Variants in HAS3 observed in about 807,000 individuals in gnomAD.
The protein encoded by HAS3 is HA synthase 3.
In HAS3, 27 loss-of-function variants were observed where a neutral mutation model predicts 50.3. The ratio of observed to expected loss-of-function variants is 0.54; its 90% CI spans 0.40 to 0.74. The LOEUF is 0.74. Ranked by LOEUF, HAS3 falls within the 30% of genes least tolerant of loss-of-function variation. The probability of loss-of-function intolerance (pLI) is 0.00; values close to 1 mark genes in which losing one functional copy is unlikely to be tolerated. For synonymous variants in HAS3, 339 were observed against 310.9 expected (o/e 1.09, Z -0.95); for missense variants, 517 against 742.8 (o/e 0.70, Z 3.53).
upstream of HAS3, among the ~76,000 whole-genome samples, chr16:69,100,743 G>A (rs567288548): frequency 2.0e-5 from 3 of 152,172 alleles, no homozygotes; most frequent in East Asian, 1.9e-4. Flanking sequence ...TGAGCATTTC[G>A]TGAGTTTGGA....
chr16:69,118,381 G>A (rs761089528), downstream of HAS3: 4 of 1,611,950 alleles, frequency 2.5e-6, no homozygotes, highest in Non-Finnish European at 3.4e-6. Flanking sequence ...TGGCAGTAGA[G>A]GATGACCAGG....
In HAS3 at chr16:69,115,847, C is replaced by T. The variant is rs1961162178; in HGVS notation, c.*581C>T. The T allele has an allele frequency of 1.0e-6, 1 of 985,786 alleles. No homozygotes were observed. The highest frequency in any genetic ancestry group is 1.7e-5 in the African/African-American group (1 of 57,334). The allele number at this position is 985,786 out of a possible 1,614,324, so 61.1% of individuals were successfully genotyped here. A position where few individuals can be genotyped will look rare whatever the true frequency, so the allele number is the denominator to read the frequency against. On this transcript the variant is annotated 3_prime_UTR_variant, in exon 4 of 4. Coordinates refer to ENST00000569188, the MANE Select transcript of HAS3 (RefSeq NM_001199280.2). ...GGAATGGTGCTTTATGTGAGATACC[C>T]CACTCCACATCAACATTCCAGGGAT...
chr16:69,115,277 A>T lies in HAS3; in HGVS notation c.*11A>T, dbSNP rs1961144956. 1 of 1,512,766 alleles carries T rather than the reference A, an allele frequency of 6.6e-7. No individual in the cohort carries two copies. The highest frequency in any genetic ancestry group is 1.3e-5 in the South Asian group (1 of 74,796). The allele number at this position is 1,512,766 out of a possible 1,614,324, so 93.7% of individuals were successfully genotyped here. A position where few individuals can be genotyped will look rare whatever the true frequency, so the allele number is the denominator to read the frequency against. On this transcript the variant is annotated 3_prime_UTR_variant, in exon 4 of 4. Transcript: ENST00000569188. ...TTTGCTGAGGTGTGACATGGCCCCC[A>T]AGCAGAGCGGGTAAAGTGCAATGGG...
At chr16:69,091,442 G>A in the HAS3 span, among the ~76,000 whole-genome samples, 2 of 152,138 alleles carry the variant, frequency 1.3e-5, no homozygotes, top group Non-Finnish European at 2.9e-5. Context: ...AGGTTGGAGT[G>A]CCAGATCAAA....
Position 69,116,249 on chromosome 16 carries a change from C to A in HAS3, c.*983C>A. 1.0e-6 allele frequency: 1 copy of A among 985,624 alleles called. No individual in the cohort carries two copies. The highest frequency in any genetic ancestry group is 1.2e-6 in the Non-Finnish European group (1 of 829,922). 61.1% of individuals were successfully genotyped at this position (985,624 alleles called of 1,614,324 possible). On this transcript the variant is annotated 3_prime_UTR_variant, in exon 4 of 4. Coordinates refer to ENST00000569188, the MANE Select transcript of HAS3 (RefSeq NM_001199280.2). ...TCACTGCAGTCACCTCTTCTACCCT[C>A]ATCATCATAGGTAAGGTTTTCAAGG... is the stretch of plus-strand genomic sequence containing the variant.
At chr16:69,110,933 G>A (rs1960980628) in intron 2 of HAS3, among the ~76,000 whole-genome samples, 1 of 152,146 alleles carries the variant, frequency 6.6e-6, no homozygotes. Context: ...AGAGACACAG[G>A]TGCGAATGAC....
At position 69,113,298 on chromosome 16, in the gene HAS3, G is replaced by A. The variant is rs142819601; in HGVS notation, c.637-143G>A. 7.7e-5 allele frequency: 53 copies of A among 685,518 alleles called. 1 individual carries two copies. Among genetic ancestry groups the A allele is most frequent in the African/African-American group, 3.1e-4 (18 of 57,280 alleles). 42.5% of individuals were successfully genotyped at this position (685,518 alleles called of 1,614,324 possible). A position where few individuals can be genotyped will look rare whatever the true frequency, so the allele number is the denominator to read the frequency against. ...TTTACCTCTGGCACCTTCTGGTAGC[G>A]CAGATCTCTTAGCTAGAGGCTGGAA... On this transcript the variant is annotated intron_variant, in intron 2 of 3. Transcript: ENST00000569188.
chr16:69,087,249 C>T, the HAS3 span, among the ~76,000 whole-genome samples: 3 of 152,252 alleles, frequency 2.0e-5, no homozygotes, highest in Non-Finnish European at 4.4e-5. Flanking sequence ...TCCACCACCC[C>T]CTTGCTCTAC....
chr16:69,115,152 G>C lies in HAS3; in HGVS notation c.1548G>C (p.Gly516=), dbSNP rs1961139201. The change falls in exon 4 of 4, where the codon GGG becomes GGC. Residue 516 remains glycine (G), a synonymous_variant. Coordinates refer to ENST00000569188, the MANE Select transcript of HAS3 (RefSeq NM_001199280.2). ...CAGAGCTAGCCTTCCTTGTCTCTGG[G>C]GCTATACTGTATGGCTGCTACTGGG... The part of the protein sequence containing the change: ...SETELAFLVS[G]AILYGCYWVA... 1.0e-5 allele frequency: 16 copies of C among 1,607,910 alleles called. No individual in the cohort carries two copies. The highest frequency in any genetic ancestry group is 1.3e-5 in the Non-Finnish European group (15 of 1,176,574).
chr16:69,090,684 CAGCCTCCCGAGT>C, the HAS3 span, among the ~76,000 whole-genome samples: 6 of 152,228 alleles, frequency 3.9e-5, no homozygotes, highest in Non-Finnish European at 7.3e-5. Context: ...TCTCCTGCCT[CAGCCTCCCGAGT>C]AGCTGGGACT....
chr16:69,109,716 G>C lies in HAS3; in HGVS notation c.321G>C (p.Ser107=). ...ACTACTTGCGCAAGTGCCTGCGCTC[G>C]GCCCAGCGCATCTCCTTCCCTGACC... ...DPDYLRKCLR[S]AQRISFPDLK... The change falls in exon 2 of 4, where the codon TCG becomes TCC. Residue 107 remains serine (S), a synonymous_variant. Coordinates refer to ENST00000569188, the MANE Select transcript of HAS3 (RefSeq NM_001199280.2). The surrounding 1 kb of genome is among the most constrained non-coding windows in gnomAD (Gnocchi z 5.3). The C allele has an allele frequency of 9.3e-6, 15 of 1,610,822 alleles. No homozygotes were observed. The highest frequency in any genetic ancestry group is 1.3e-5 in the Non-Finnish European group (15 of 1,179,948).
chr16:69,096,534 CAAAAAAAAAAAA>C, the HAS3 span, among the ~76,000 whole-genome samples: 8 of 35,334 alleles, frequency 2.3e-4, no homozygotes, highest in East Asian at 1.3e-3. Context: ...GACTCTGTCT[CAAAAAAAAAAAA>C]AAAAAAAAAA....
chr16:69,104,350 A>G (rs1442490419), upstream of HAS3, among the ~76,000 whole-genome samples: 2 of 147,848 alleles, frequency 1.4e-5, no homozygotes, highest in East Asian at 4.0e-4. Flanking sequence ...AGGCTGGAGT[A>G]CAGTGGCATA....
At chr16:69,110,815 A>G (rs1960975890) in intron 2 of HAS3, among the ~76,000 whole-genome samples, 1 of 152,176 alleles carries the variant, frequency 6.6e-6, no homozygotes, top group African/African-American at 2.4e-5. Flanking sequence ...TCTTCATAAG[A>G]AAGCGTGGTG....
chr16:69,100,907 C>T (rs1015084954), upstream of HAS3, among the ~76,000 whole-genome samples: 1 of 152,126 alleles, frequency 6.6e-6, no homozygotes, highest in Non-Finnish European at 1.5e-5. Flanking sequence ...TTATTCCTGG[C>T]GTGCAAGGCA....
At chr16:69,110,465 G>T (rs1433270838) in intron 2 of HAS3, among the ~76,000 whole-genome samples, 1 of 152,042 alleles carries the variant, frequency 6.6e-6, no homozygotes, top group Admixed American at 6.5e-5. Context: ...GGAGTGCAAC[G>T]GCTATTTAAA....
At chr16:69,097,859 T>C in the HAS3 span, among the ~76,000 whole-genome samples, 1 of 152,090 alleles carries the variant, frequency 6.6e-6, no homozygotes, top group African/African-American at 2.4e-5. Flanking sequence ...CCCTCAAAGG[T>C]GCCCAAAGAG....
At chr16:69,113,358 C>A in intron 2 of HAS3, 83 bp from the exon 3 acceptor site, 1 of 871,460 alleles carries the variant, frequency 1.1e-6, no homozygotes, top group Non-Finnish European at 2.0e-6. Context: ...GTCTCTCAGG[C>A]AGTGAGCAGC....
At chr16:69,091,700 G>A in the HAS3 span, among the ~76,000 whole-genome samples, 2 of 152,190 alleles carry the variant, frequency 1.3e-5, no homozygotes, top group African/African-American at 2.4e-5. Flanking sequence ...ACCAGCAGCC[G>A]TGTCCCAGGT....
Sources: gnomAD v4.1 joint callset for allele counts (sites outside exome capture counted in the v4.1 genomes callset) on GRCh38, gnomAD v4.1.1 for gene constraint, Gnocchi (gnomAD v3.1) non-coding constraint, MANE v1.5 for transcripts, NCBI Gene and HGNC (gene_info 2026-07-23, HGNC 2026-07-21) for gene names.